The following ELL2 variants were observed in gnomAD, a reference collection of about 807,000 sequenced individuals.
ELL2 encodes the protein elongation factor for RNA polymerase II 2, also known as RNA polymerase II elongation factor ELL2.
ELL2 carries 21 observed loss-of-function variants against 72.8 expected under a neutral mutation model. The ratio of observed to expected loss-of-function variants is 0.29; its 90% CI spans 0.20 to 0.42. The LOEUF (loss-of-function observed/expected upper bound fraction) is 0.42. Among genes scored for constraint, ELL2 ranks in the 10% least tolerant of loss-of-function variants. The probability of loss-of-function intolerance (pLI) is 1.00; values close to 1 mark genes in which losing one functional copy is unlikely to be tolerated. For synonymous variants in ELL2, 266 were observed against 283.2 expected (o/e 0.94, Z 0.61); for missense variants, 568 against 772.8 (o/e 0.73, Z 3.14).
chr5:95,932,492 T>C (rs1379899575), intron 2 of ELL2: 2 of 152,242 alleles, frequency 1.3e-5, no homozygotes, highest in Non-Finnish European at 2.9e-5. Flanking sequence ...TTTGAATAAC[T>C]GATATTACAA....
At chr5:95,908,866 G>C (rs1480478286) in intron 4 of ELL2, among the ~76,000 whole-genome samples, 1 of 152,154 alleles carries the variant, frequency 6.6e-6, no homozygotes, top group East Asian at 1.9e-4. Context: ...AGCTAACAGT[G>C]AAGCCCTTCT....
intron 5 of ELL2, among the ~76,000 whole-genome samples, chr5:95,905,761 T>C (rs917186274): frequency 6.6e-6 from 1 of 150,926 alleles, no homozygotes; most frequent in South Asian, 2.1e-4. Context: ...TTTTTTTTTT[T>C]AAATGATGAG....
At chr5:95,895,600 C>T (rs561640194) in intron 9 of ELL2, 28 bp downstream of exon 9, 2 of 1,598,544 alleles carry the variant, frequency 1.3e-6, no homozygotes, top group South Asian at 2.2e-5. Context: ...TTAAGCCGCT[C>T]TCTCCATTGG....
chr5:95,895,515 C>CA, intron 9 of ELL2, 113 bp downstream of exon 9: 1 of 950,864 alleles, frequency 1.1e-6, no homozygotes, highest in Non-Finnish European at 1.6e-6. Context: ...AGGGTGGCTC[C>CA]AGGACTCTAT....
At chr5:95,892,146 T>G (rs1409688481) in intron 9 of ELL2, among the ~76,000 whole-genome samples, 1 of 151,634 alleles carries the variant, frequency 6.6e-6, no homozygotes, top group Non-Finnish European at 1.5e-5. Context: ...AATTACAGTA[T>G]TACTTTTTTT....
chr5:95,919,669 A>C (rs1749972141), intron 2 of ELL2, 124 bp from the exon 3 acceptor site: 1 of 1,125,532 alleles, frequency 8.9e-7, no homozygotes, highest in South Asian at 1.9e-5. Flanking sequence ...TGATATATAC[A>C]TCCTCGCAGC....
At chr5:95,891,362 G>C (rs753376608) in intron 9 of ELL2, 88 bp from the exon 10 acceptor site, 10 of 1,368,768 alleles carry the variant, frequency 7.3e-6, no homozygotes, top group Admixed American at 4.7e-5. Flanking sequence ...TTAGAGATTA[G>C]ATCCATGCAT....
chr5:95,900,372 A>G (rs1285613621), intron 7 of ELL2: 2 of 192,004 alleles, frequency 1.0e-5, no homozygotes, highest in African/African-American at 4.6e-5. Context: ...ATATAATCTG[A>G]TAATTGTTTG....
intron 9 of ELL2, 37 bp from the exon 10 acceptor site, chr5:95,891,311 A>G (rs1748653748): frequency 6.4e-7 from 1 of 1,568,334 alleles, no homozygotes; most frequent in Admixed American, 1.9e-5. Context: ...GTAGCTACCC[A>G]ATAAACATGA....
rs1045233078 is a variant in ELL2, at chr5:95,887,784, C to G, written c.*1087G>C. The G allele has an allele frequency of 1.3e-5, 2 of 152,448 alleles. No individual in the cohort carries two copies. The highest frequency in any genetic ancestry group is 2.4e-5 in the African/African-American group (1 of 41,378). The allele number at this position is 152,448 out of a possible 1,614,324, so 9.4% of individuals were successfully genotyped here. ...TAGGTAATAGCTTCTTTGCATATCT[C>G]TCTTCAAAAAATACTTTATAGCAGT... On this transcript the variant is annotated 3_prime_UTR_variant, in exon 12 of 12. Transcript: ENST00000237853.
chr5:95,955,030 C>A (rs1027336657), intron 1 of ELL2, among the ~76,000 whole-genome samples: 5 of 152,170 alleles, frequency 3.3e-5, no homozygotes, highest in African/African-American at 1.2e-4. Flanking sequence ...CTACATTTTT[C>A]TCTTGCCCTT....
intron 1 of ELL2, among the ~76,000 whole-genome samples, chr5:95,959,380 G>A (rs1751729996): frequency 6.6e-6 from 1 of 152,088 alleles, no homozygotes; most frequent in Non-Finnish European, 1.5e-5. Flanking sequence ...CTTTTTCTCT[G>A]GGCCTCTGGG....
At position 95,887,341 on chromosome 5, in the gene ELL2, TA is replaced by T. The variant is rs1748498578; in HGVS notation, c.*1529del. The stretch of plus-strand genomic sequence containing the variant: ...TACATGCTCTCTCAAGTTTTCTAGA[TA>T]ACCAACATTTTTCTGGTTTACAGTG... On this transcript the variant is annotated 3_prime_UTR_variant, in exon 12 of 12. Coordinates refer to ENST00000237853, the MANE Select transcript of ELL2 (RefSeq NM_012081.6). The T allele has an allele frequency of 6.6e-6, 1 of 152,654 alleles. No individual in the cohort carries two copies. Among genetic ancestry groups the T allele is most frequent in the East Asian group, 1.9e-4 (1 of 5,204 alleles). The allele number at this position is 152,654 out of a possible 1,614,324, so 9.5% of individuals were successfully genotyped here.
chr5:95,936,317 C>T (rs757300549), intron 2 of ELL2, among the ~76,000 whole-genome samples: 10 of 152,138 alleles, frequency 6.6e-5, no homozygotes, highest in Admixed American at 6.5e-5. Flanking sequence ...AGAATGTATA[C>T]GTACCTATAT....
chr5:95,926,954 GC>G (rs1362115829), intron 2 of ELL2, among the ~76,000 whole-genome samples: 1 of 152,026 alleles, frequency 6.6e-6, no homozygotes, highest in Non-Finnish European at 1.5e-5. Flanking sequence ...GTAATTTTTG[GC>G]TCTCTTAATA....
chr5:95,910,329 T>C lies in ELL2; in HGVS notation c.481+3442A>G, dbSNP rs544302607. ...AATCCTAGAAATTAGATTGGTTATTTTGTACACCTAAACAAATATTAGTAC... is the reference window on the plus strand; with the variant it reads ...AATCCTAGAAATTAGATTGGTTATTCTGTACACCTAAACAAATATTAGTAC... On this transcript the variant is annotated intron_variant, in intron 4 of 11. Transcript: ENST00000237853. Among the ~76,000 whole-genome samples the C allele has an allele frequency of 1.2e-4, 18 of 152,268 alleles. No individual in the cohort carries two copies. The South Asian group carries it at 3.7e-3, about 32-fold the overall frequency.
intron 1 of ELL2, among the ~76,000 whole-genome samples, chr5:95,951,352 G>C (rs1471083258): frequency 6.6e-6 from 1 of 151,514 alleles, no homozygotes; most frequent in Non-Finnish European, 1.5e-5. Flanking sequence ...CTGGGGGACA[G>C]AGCGAGACTC....
In ELL2 at chr5:95,885,382, TTCCTC is replaced by T. The variant is rs1459949088; in HGVS notation, c.*3484_*3488del. ...CCAGTTAATATTGTTTCTGAAAACT[TTCCTC>T]TCAAAGTGCTGGCTATAATTTTTTC... On this transcript the variant is annotated 3_prime_UTR_variant, in exon 12 of 12. Coordinates refer to ENST00000237853, the MANE Select transcript of ELL2 (RefSeq NM_012081.6). 6.6e-6 allele frequency: 1 copy of T among 152,210 alleles called. No homozygotes were observed. Among genetic ancestry groups the T allele is most frequent in the Non-Finnish European group, 1.5e-5 (1 of 68,038 alleles). The allele number at this position is 152,210 out of a possible 1,614,324, so 9.4% of individuals were successfully genotyped here.
chr5:95,951,026 T>G (rs1751376169), intron 1 of ELL2, among the ~76,000 whole-genome samples: 2 of 149,244 alleles, frequency 1.3e-5, no homozygotes, highest in African/African-American at 4.9e-5. Flanking sequence ...GGCAAAAATC[T>G]AAACCAAACA....
Sources: allele counts gnomAD v4.1 joint callset (sites outside exome capture counted in the v4.1 genomes callset), GRCh38; gene constraint gnomAD v4.1.1; transcripts MANE v1.5; gene names NCBI Gene and HGNC (gene_info 2026-07-23, HGNC 2026-07-21).